Variants in SMG6 observed in about 807,000 individuals in gnomAD.
SMG6 encodes the protein telomerase-binding protein EST1A.
SMG6 carries 66 observed loss-of-function variants against 142.2 expected under a neutral mutation model. That is an observed-to-expected ratio of 0.46 (90% CI 0.38 to 0.57). The LOEUF (loss-of-function observed/expected upper bound fraction) is 0.57, where lower values mean the gene tolerates loss of function less well. SMG6 is among the 20% of genes least tolerant of loss of function. The probability of loss-of-function intolerance (pLI) is 0.00; values close to 1 mark genes in which losing one functional copy is unlikely to be tolerated. For synonymous variants in SMG6, 779 were observed against 702.4 expected (o/e 1.11, Z -1.72); for missense variants, 1,793 against 1,832.0 (o/e 0.98, Z 0.39).
chr17:2,197,898 A>C (rs530964908), intron 10 of SMG6, among the ~76,000 whole-genome samples: 6 of 152,370 alleles, frequency 3.9e-5, no homozygotes, highest in Non-Finnish European at 8.8e-5. Context: ...AAAATGGTAT[A>C]GCTGCTCTGG....
rs144342260 is a variant in SMG6, at chr17:2,237,054, A to T, written c.2724-417T>A. Reference sequence around the variant, plus strand: ...CTCTGGTATGAAACTTAATTCAATTAAAAAAGTAATGTGAATCTAAACAAA... The same window carrying T: ...CTCTGGTATGAAACTTAATTCAATTTAAAAAGTAATGTGAATCTAAACAAA... On this transcript the variant is annotated intron_variant, in intron 9 of 18. Coordinates refer to ENST00000263073, the MANE Select transcript of SMG6 (RefSeq NM_017575.5). 4.0e-3 allele frequency: 639 copies of T among 160,192 alleles called. 7 individuals are homozygous for T. The highest frequency in any genetic ancestry group is 0.015 in the African/African-American group (604 of 41,300). The allele number at this position is 160,192 out of a possible 1,614,324, so 9.9% of individuals were successfully genotyped here.
At chr17:2,166,943 T>C (rs1487994358) in intron 13 of SMG6, among the ~76,000 whole-genome samples, 1 of 151,930 alleles carries the variant, frequency 6.6e-6, no homozygotes, top group Non-Finnish European at 1.5e-5. Context: ...CTGGCCAATA[T>C]GGCAAAACCC....
chr17:2,256,489 C>T (rs1286050430), intron 8 of SMG6, among the ~76,000 whole-genome samples: 1 of 152,034 alleles, frequency 6.6e-6, no homozygotes, highest in African/African-American at 2.4e-5. Context: ...AGGCCAAGCA[C>T]GGTGGGTCAC....
chr17:2,227,894 C>T (rs1222571110), intron 10 of SMG6, among the ~76,000 whole-genome samples: 1 of 152,036 alleles, frequency 6.6e-6, no homozygotes, highest in Non-Finnish European at 1.5e-5. Context: ...ACTAATGTGA[C>T]TAAAATGTAA....
rs1277393190 is a variant in SMG6, at chr17:2,090,180, C to T, written c.3358-4279G>A. Among the ~76,000 whole-genome samples, 81 of 53,754 alleles carry T rather than the reference C, an allele frequency of 1.5e-3. 2 individuals are homozygous for T. In the Middle Eastern group the frequency reaches 0.05, roughly 33 times the overall value. The allele number at this position is 53,754 out of a possible 152,430, so 35.3% of individuals were successfully genotyped here. A position where few individuals can be genotyped will look rare whatever the true frequency, so the allele number is the denominator to read the frequency against. Reference sequence around the variant, plus strand: ...CCCAGGCAACAAGGCGAGACTCTGTCTCAAAAAAAAAAAAAAAAAAAAGGA... The same window carrying T: ...CCCAGGCAACAAGGCGAGACTCTGTTTCAAAAAAAAAAAAAAAAAAAAGGA... On this transcript the variant is annotated intron_variant, in intron 13 of 18. Transcript: ENST00000263073.
chr17:2,249,505 C>T (rs576914823), intron 8 of SMG6, among the ~76,000 whole-genome samples: 1 of 151,988 alleles, frequency 6.6e-6, no homozygotes, highest in East Asian at 1.9e-4. Context: ...ACTTTGTTGC[C>T]CAGGCTGGTC....
chr17:2,191,642 A>G (rs1206963890), intron 10 of SMG6, among the ~76,000 whole-genome samples: 1 of 152,182 alleles, frequency 6.6e-6, no homozygotes, highest in Non-Finnish European at 1.5e-5. Flanking sequence ...ATATTTCTTA[A>G]TAAGAAAGTC....
At chr17:2,066,487 A>G (rs1187364750) in intron 16 of SMG6, among the ~76,000 whole-genome samples, 1 of 151,790 alleles carries the variant, frequency 6.6e-6, no homozygotes, top group Non-Finnish European at 1.5e-5. Context: ...CAAGTGGGAA[A>G]TATGTGCTCC....
At chr17:2,246,910 C>A (rs763171316) in intron 8 of SMG6, among the ~76,000 whole-genome samples, 2 of 152,128 alleles carry the variant, frequency 1.3e-5, no homozygotes, top group African/African-American at 2.4e-5. Context: ...CATACCATTG[C>A]ACTCCAGCCT....
intron 13 of SMG6, among the ~76,000 whole-genome samples, chr17:2,159,136 T>C (rs994730777): frequency 1.2e-4 from 18 of 152,016 alleles, no homozygotes; most frequent in Non-Finnish European, 2.6e-4. Flanking sequence ...CTATTAAAAC[T>C]ATGGCCAGGC....
intron 10 of SMG6, chr17:2,229,294 A>G (rs2073404758): frequency 6.6e-6 from 1 of 152,218 alleles, no homozygotes; most frequent in Non-Finnish European, 1.5e-5. Context: ...CGCCACTCAG[A>G]GAATTCTGAC....
At chr17:2,174,386 T>C (rs1266521726) in intron 12 of SMG6, among the ~76,000 whole-genome samples, 1 of 152,188 alleles carries the variant, frequency 6.6e-6, no homozygotes, top group Non-Finnish European at 1.5e-5. Flanking sequence ...TCAAGGGACA[T>C]GCCACCGAAG....
At chr17:2,289,423 G>T (rs1027607759) in intron 6 of SMG6, among the ~76,000 whole-genome samples, 5 of 151,978 alleles carry the variant, frequency 3.3e-5, no homozygotes, top group Non-Finnish European at 7.4e-5. Flanking sequence ...TGGGTATGAT[G>T]GTGAGTGCCT....
intron 10 of SMG6, among the ~76,000 whole-genome samples, chr17:2,228,392 C>T (rs2073376491): frequency 6.6e-6 from 1 of 152,140 alleles, no homozygotes; most frequent in African/African-American, 2.4e-5. Flanking sequence ...CCGTGCAGGG[C>T]TAATTTTTGT....
At position 2,211,196 on chromosome 17, in the gene SMG6, T is replaced by G. The variant is rs185279170; in HGVS notation, c.2870-22681A>C. On this transcript the variant is annotated intron_variant, in intron 10 of 18. Transcript: ENST00000263073. ...TCAAAGGTGAAAGAAAAAAAGAAGT[T>G]AACAATCATAAAAAATAAGAAAAAA... Among the ~76,000 whole-genome samples, 272 of 151,240 alleles carry G rather than the reference T, an allele frequency of 1.8e-3. 2 individuals carry two copies. The highest frequency in any genetic ancestry group is 6.3e-3 in the African/African-American group (259 of 41,212).
chr17:2,200,630 T>C (rs187592213), intron 10 of SMG6, among the ~76,000 whole-genome samples: 50 of 152,220 alleles, frequency 3.3e-4, no homozygotes, highest in Non-Finnish European at 2.9e-5. Flanking sequence ...CCTCCCAAAG[T>C]GCAAGAATTA....
chr17:2,153,507 G>C (rs148690718), intron 13 of SMG6, among the ~76,000 whole-genome samples: 1 of 152,214 alleles, frequency 6.6e-6, no homozygotes, highest in African/African-American at 2.4e-5. Context: ...ATGCAAACCC[G>C]CCCATCTTGG....
intron 14 of SMG6, among the ~76,000 whole-genome samples, chr17:2,084,028 C>T (rs2068491035): frequency 6.6e-6 from 1 of 152,178 alleles, no homozygotes; most frequent in Admixed American, 6.5e-5. Context: ...TACCAAGATC[C>T]GGGACCAGAG....
intron 8 of SMG6, among the ~76,000 whole-genome samples, chr17:2,246,287 C>T (rs946535220): frequency 1.3e-5 from 2 of 152,206 alleles, no homozygotes; most frequent in African/African-American, 4.8e-5. Context: ...GGCTCTGTAG[C>T]CAGCCAGGAA....
Sources: allele counts gnomAD v4.1 joint callset (sites outside exome capture counted in the v4.1 genomes callset), GRCh38; gene constraint gnomAD v4.1.1; transcripts MANE v1.5; gene names NCBI Gene and HGNC (gene_info 2026-07-23, HGNC 2026-07-21).